Variants in RANBP17 observed in about 807,000 individuals in gnomAD.
RANBP17 encodes the protein ran-binding protein 17.
RANBP17 carries 158 observed loss-of-function variants against 141.2 expected under a neutral mutation model. The observed-to-expected ratio is 1.12, with a 90% CI of 0.98 to 1.28. The LOEUF is 1.28. Among genes scored for constraint, RANBP17 ranks in the 50% most tolerant of loss-of-function variants. RANBP17 has a pLI of 0.00. For synonymous variants in RANBP17, 430 were observed against 450.0 expected, an observed-to-expected ratio of 0.96 and a Z score of 0.56; for missense variants, 1,438 against 1,290.7, an observed-to-expected ratio of 1.11 and a Z score of -1.75.
chr5:171,283,621 A>C (rs1767983896), intron 25 of RANBP17, among the ~76,000 whole-genome samples: 1 of 152,248 alleles, frequency 6.6e-6, no homozygotes, highest in African/African-American at 2.4e-5. Flanking sequence ...TGTCCACAAG[A>C]ATAATTTTCC....
At chr5:171,107,120 GA>G (rs1002961234) in intron 14 of RANBP17, among the ~76,000 whole-genome samples, 5 of 152,032 alleles carry the variant, frequency 3.3e-5, no homozygotes, top group Admixed American at 3.3e-4. Context: ...GACAAAGCAG[GA>G]ATTATTATTC....
chr5:171,278,408 A>G (rs901243237), intron 25 of RANBP17, among the ~76,000 whole-genome samples: 1 of 152,118 alleles, frequency 6.6e-6, no homozygotes, highest in African/African-American at 2.4e-5. Flanking sequence ...AATCCCAGCT[A>G]CTTGGGAGGC....
At chr5:170,909,250 A>G (rs1464965234) in intron 5 of RANBP17, among the ~76,000 whole-genome samples, 3 of 151,874 alleles carry the variant, frequency 2.0e-5, no homozygotes, top group Admixed American at 6.6e-5. Flanking sequence ...ATATAGGAAT[A>G]TCACTTTCAA....
intron 24 of RANBP17, among the ~76,000 whole-genome samples, chr5:171,255,541 C>T (rs1765828122): frequency 6.6e-6 from 1 of 152,122 alleles, no homozygotes; most frequent in African/African-American, 2.4e-5. Flanking sequence ...CTACACCATA[C>T]TTCATAGTAT....
intron 24 of RANBP17, among the ~76,000 whole-genome samples, chr5:171,257,231 C>T (rs965749798): frequency 1.3e-5 from 2 of 152,190 alleles, no homozygotes; most frequent in Non-Finnish European, 2.9e-5. Context: ...TGGGATTTAT[C>T]CCAGGAATGC....
At chr5:171,229,479 C>T (rs553506308) in intron 22 of RANBP17, among the ~76,000 whole-genome samples, 2 of 152,170 alleles carry the variant, frequency 1.3e-5, no homozygotes, top group South Asian at 4.2e-4. Flanking sequence ...ATTGCAACCT[C>T]TGCCTCCTGG....
intron 14 of RANBP17, among the ~76,000 whole-genome samples, chr5:171,025,103 T>C (rs905159414): frequency 6.6e-6 from 1 of 152,202 alleles, no homozygotes; most frequent in African/African-American, 2.4e-5. Flanking sequence ...AAATTCCCCC[T>C]TCTATGTATT....
intron 12 of RANBP17, among the ~76,000 whole-genome samples, chr5:170,928,130 A>C (rs185733441): frequency 2.0e-4 from 31 of 151,972 alleles, no homozygotes; most frequent in Non-Finnish European, 4.1e-4. Context: ...CATCTTTTCT[A>C]TTCTTTTTTG....
At chr5:170,899,298 C>T (rs1770416961) in intron 5 of RANBP17, among the ~76,000 whole-genome samples, 1 of 152,108 alleles carries the variant, frequency 6.6e-6, no homozygotes, top group Admixed American at 6.5e-5. Flanking sequence ...AATGGGAGTT[C>T]ACTCATGATT....
intron 14 of RANBP17, among the ~76,000 whole-genome samples, chr5:171,164,823 G>A (rs992755014): frequency 6.6e-6 from 1 of 152,204 alleles, no homozygotes; most frequent in Admixed American, 6.5e-5. Flanking sequence ...AAATTTTGAA[G>A]CAGTTCCTTT....
rs187367842 is a variant in RANBP17, at chr5:171,218,871, C to G, written c.2340-2887C>G. Among the ~76,000 whole-genome samples, 5 of 152,124 alleles carry G rather than the reference C, an allele frequency of 3.3e-5. No homozygotes were observed. In the East Asian group the frequency reaches 9.7e-4, roughly 29 times the overall value. On this transcript the variant is annotated intron_variant, in intron 21 of 27. Coordinates refer to ENST00000523189, the MANE Select transcript of RANBP17 (RefSeq NM_022897.5). ...CTTTATCCAAGTTGCCTTCTGTGTCCTTTAATTGGGGCATTCAGCTCATTT... is the reference window on the plus strand; with the variant it reads ...CTTTATCCAAGTTGCCTTCTGTGTCGTTTAATTGGGGCATTCAGCTCATTT...
intron 14 of RANBP17, among the ~76,000 whole-genome samples, chr5:171,036,990 T>G (rs1781923232): frequency 6.6e-6 from 1 of 152,152 alleles, no homozygotes; most frequent in South Asian, 2.1e-4. Context: ...GTAGTTCTAT[T>G]TCAAGTTCTT....
At chr5:171,135,703 G>A (rs1395301312) in intron 14 of RANBP17, among the ~76,000 whole-genome samples, 2 of 152,092 alleles carry the variant, frequency 1.3e-5, no homozygotes, top group African/African-American at 4.8e-5. Flanking sequence ...AGAGTAAAGA[G>A]AAAATTCTTT....
At chr5:170,997,553 A>G (rs1466149442) in intron 14 of RANBP17, among the ~76,000 whole-genome samples, 2 of 152,174 alleles carry the variant, frequency 1.3e-5, no homozygotes, top group African/African-American at 2.4e-5. Context: ...TCCTCTCAGA[A>G]AGTCTTTCTA....
intron 1 of RANBP17, among the ~76,000 whole-genome samples, chr5:170,874,580 T>A (rs910927845): frequency 7.2e-5 from 11 of 152,214 alleles, no homozygotes; most frequent in African/African-American, 2.2e-4. Context: ...CATTATGTAA[T>A]GCCCTTCTTT....
intron 3 of RANBP17, among the ~76,000 whole-genome samples, chr5:170,884,498 G>C (rs1768982218): frequency 6.6e-6 from 1 of 151,964 alleles, no homozygotes; most frequent in East Asian, 1.9e-4. Context: ...TTCATTAATG[G>C]AAGTGGATCA....
chr5:170,906,385 C>G (rs1354220378), intron 5 of RANBP17, among the ~76,000 whole-genome samples: 1 of 151,814 alleles, frequency 6.6e-6, no homozygotes, highest in Non-Finnish European at 1.5e-5. Flanking sequence ...CTGATATTTC[C>G]TCATTATTAG....
intron 14 of RANBP17, among the ~76,000 whole-genome samples, chr5:171,035,737 G>GTTTTTTTTTTTTTTTTTT (rs781327156): frequency 1.0e-5 from 1 of 95,396 alleles, no homozygotes; most frequent in African/African-American, 3.2e-5. Context: ...TTCTTTTTTT[G>GTTTTTTTTTTTTTTTTTT]TTTTTTTTTT....
intron 14 of RANBP17, among the ~76,000 whole-genome samples, chr5:171,130,498 A>G (rs1473616560): frequency 1.7e-5 from 2 of 120,068 alleles, no homozygotes; most frequent in Admixed American, 1.2e-4. Flanking sequence ...GTGCAATGGC[A>G]TGATCTCGGC....
Sources: gnomAD v4.1 joint callset for allele counts (sites outside exome capture counted in the v4.1 genomes callset) on GRCh38, gnomAD v4.1.1 for gene constraint, MANE v1.5 for transcripts, NCBI Gene and HGNC (gene_info 2026-07-23, HGNC 2026-07-21) for gene names.